SLC12A7: variants seen among roughly 807,000 people sequenced by gnomAD.
SLC12A7 encodes solute carrier family 12 member 7, also known as K-Cl cotransporter 4.
A neutral mutation model predicts 120.6 loss-of-function variants in SLC12A7; 100 were observed. That is an observed-to-expected ratio of 0.83 (90% CI 0.71 to 0.98). SLC12A7 has a LOEUF of 0.98. SLC12A7 is among the 50% of genes least tolerant of loss of function. The pLI, the probability that SLC12A7 is intolerant of heterozygous loss-of-function variation, is 0.00. For missense variants in SLC12A7, 1,373 were observed against 1,548.1 expected (o/e 0.89, Z 1.90); for synonymous variants, 760 against 678.0 (o/e 1.12, Z -1.88).
chr5:1,088,461 C>T, intron 4 of SLC12A7, 101 bp from the exon 5 acceptor site: 8 of 1,279,064 alleles, frequency 6.3e-6, no homozygotes, highest in Non-Finnish European at 7.7e-6. Flanking sequence ...CCGCCGAATG[C>T]CAGCCCCCAA....
rs1457205089 is a variant in SLC12A7 at position 1,052,420 on chromosome 5, C to A, written c.3192G>T (p.Gly1064=). Reference sequence around the variant, plus strand: ...CCCTGACCAGGAGGACTCTGTTCAGCCCCTCGGTCAGGACTTCAAGAAACT... The same window carrying A: ...CCCTGACCAGGAGGACTCTGTTCAGACCCTCGGTCAGGACTTCAAGAAACT... ...YMEFLEVLTE[G]LNRVLLVRGG... is the part of the protein sequence containing the mutation. Residue 1064 remains glycine (G), a synonymous_variant, in exon 24 of 24, where the codon GGG becomes GGT. Coordinates refer to ENST00000264930, the MANE Select transcript of SLC12A7 (RefSeq NM_006598.3). 1.2e-6 allele frequency: 2 copies of A among 1,612,770 alleles called. No homozygotes were observed. Among genetic ancestry groups the A allele is most frequent in the African/African-American group, 1.3e-5 (1 of 74,944 alleles).
chr5:1,095,066 T>TAGGCGGCGG (rs1740987901), intron 1 of SLC12A7, among the ~76,000 whole-genome samples: 1 of 126,054 alleles, frequency 7.9e-6, no homozygotes, highest in Admixed American at 7.6e-5. Flanking sequence ...CGGTAGGAGG[T>TAGGCGGCGG]GGGGCCCGTA....
At chr5:1,088,716 G>A (rs1011979425) in intron 4 of SLC12A7, among the ~76,000 whole-genome samples, 4 of 152,200 alleles carry the variant, frequency 2.6e-5, no homozygotes, top group Non-Finnish European at 5.9e-5. Flanking sequence ...CCGCAGACAC[G>A]GGTAAATGAG....
rs760099168 is a variant in SLC12A7, at chr5:1,077,861, G to T, written c.1601C>A (p.Ala534Asp). ...TGAPRLLQAI[A>D]RDGIVPFLQV... ...CAGGAAGGGGACGATGCCGTCACGG[G>T]CAATGGCCTGCAGTAGGCGCGGTGC... Residue 534 changes from alanine (A) to aspartate (D), a missense_variant, in exon 12 of 24, where the codon GCC becomes GAC. By Grantham distance (126) the Ala-to-Asp change is moderately radical. Transcript: ENST00000264930. 1 of 1,594,052 alleles carries T rather than the reference G, an allele frequency of 6.3e-7. No individual in the cohort carries two copies. Among genetic ancestry groups the T allele is most frequent in the South Asian group, 1.1e-5 (1 of 88,098 alleles).
At chr5:1,096,828 A>G (rs1171635862) in intron 1 of SLC12A7, among the ~76,000 whole-genome samples, 1 of 42,934 alleles carries the variant, frequency 2.3e-5, no homozygotes, top group African/African-American at 7.8e-5. Context: ...AAGGGAGGGA[A>G]GGAAGGAGGG....
chr5:1,127,281 G>A, the SLC12A7 span, among the ~76,000 whole-genome samples: 474 of 152,366 alleles, frequency 3.1e-3, 2 homozygotes, highest in African/African-American at 0.011. Context: ...CCAAAGTGCT[G>A]GGATTACAGG....
chr5:1,124,771 G>A, the SLC12A7 span, among the ~76,000 whole-genome samples: 1 of 152,142 alleles, frequency 6.6e-6, no homozygotes, highest in Admixed American at 6.5e-5. Context: ...GCTAGCAAGC[G>A]AACACAGGGA....
chr5:1,073,747 G>A lies in SLC12A7; in HGVS notation c.2127C>T (p.Pro709=), dbSNP rs759416213. The A allele has an allele frequency of 4.1e-5, 64 of 1,562,306 alleles. 1 individual carries two copies. In the South Asian group the frequency reaches 7.3e-4, roughly 18 times the overall value. ...NLDAEQAVKH[P]RLLSFTSQLK... Reference sequence around the variant, plus strand: ...GCTGCGACGTGAAGGACAGCAGGCGGGGGTGCTTCACGGCCTGCTCCGCGT... The same window carrying A: ...GCTGCGACGTGAAGGACAGCAGGCGAGGGTGCTTCACGGCCTGCTCCGCGT... The change falls in exon 17 of 24, where the codon CCC becomes CCT. Residue 709 remains proline (P), a synonymous_variant. Transcript: ENST00000264930.
intron 1 of SLC12A7, among the ~76,000 whole-genome samples, chr5:1,110,683 G>A (rs1182612719): frequency 6.6e-6 from 1 of 152,202 alleles, no homozygotes; most frequent in Non-Finnish European, 1.5e-5. Context: ...GGTGGTGACT[G>A]GAGAGAAGGG....
chr5:1,122,997 C>A, the SLC12A7 span, among the ~76,000 whole-genome samples: 7 of 152,246 alleles, frequency 4.6e-5, no homozygotes, highest in East Asian at 1.2e-3. Flanking sequence ...CGGGGCCTGA[C>A]CTTCTGCCTA....
chr5:1,091,730 C>T (rs751561777), intron 3 of SLC12A7, among the ~76,000 whole-genome samples: 68 of 151,374 alleles, frequency 4.5e-4, no homozygotes, highest in Non-Finnish European at 5.7e-4. Flanking sequence ...GCGGCGTCCA[C>T]GTGCGGCACG....
At chr5:1,053,913 T>C (rs1474559713) in intron 22 of SLC12A7, among the ~76,000 whole-genome samples, 2 of 152,168 alleles carry the variant, frequency 1.3e-5, no homozygotes, top group Non-Finnish European at 2.9e-5. Context: ...AAACCCCACG[T>C]CAGACACTGC....
chr5:1,130,622 G>GCTGCCCAC, the SLC12A7 span, among the ~76,000 whole-genome samples: 8 of 151,798 alleles, frequency 5.3e-5, no homozygotes, highest in Admixed American at 1.3e-4. Flanking sequence ...AGCCAGGGTG[G>GCTGCCCAC]GGGCAGCAGG....
At chr5:1,137,835 G>A in the SLC12A7 span, among the ~76,000 whole-genome samples, 1 of 152,184 alleles carries the variant, frequency 6.6e-6, no homozygotes, top group Non-Finnish European at 1.5e-5. Context: ...CCCCTCCCCC[G>A]GCACCAGCTC....
At chr5:1,135,776 G>A in the SLC12A7 span, among the ~76,000 whole-genome samples, 1 of 152,202 alleles carries the variant, frequency 6.6e-6, no homozygotes, top group Non-Finnish European at 1.5e-5. Context: ...GTAAGGGCAG[G>A]AACACACCAG....
At chr5:1,059,798 C>T (rs1040476061) in intron 21 of SLC12A7, among the ~76,000 whole-genome samples, 2 of 151,512 alleles carry the variant, frequency 1.3e-5, no homozygotes, top group Admixed American at 1.3e-4. Flanking sequence ...TCCCCTCCAG[C>T]TCGCTTCCCT....
chr5:1,154,960 C>T, the SLC12A7 span, among the ~76,000 whole-genome samples: 1 of 152,268 alleles, frequency 6.6e-6, no homozygotes, highest in Admixed American at 6.5e-5. Flanking sequence ...AAGCCCAAGC[C>T]AGGGTCCAGG....
chr5:1,094,959 G>A (rs2150882242), intron 1 of SLC12A7, among the ~76,000 whole-genome samples: 1 of 151,494 alleles, frequency 6.6e-6, no homozygotes, highest in East Asian at 1.9e-4. Flanking sequence ...AGGCTCCCTG[G>A]CAGGTTGAGG....
rs912637639 is a variant in SLC12A7, at chr5:1,111,704, T to C, written c.124+164A>G. ...TCGCCCCCTAGCGCTGCCACTAACG[T>C]GGGGTGGGGGCCCTCGTGGGGGACC... On this transcript the variant is annotated intron_variant, in intron 1 of 23. Coordinates refer to ENST00000264930, the MANE Select transcript of SLC12A7 (RefSeq NM_006598.3). Among the ~76,000 whole-genome samples, 39 of 151,836 alleles carry C rather than the reference T, an allele frequency of 2.6e-4. 1 individual carries two copies. Among genetic ancestry groups the C allele is most frequent in the African/African-American group, 7.5e-4 (31 of 41,348 alleles).
Sources: allele counts gnomAD v4.1 joint callset (sites outside exome capture counted in the v4.1 genomes callset), GRCh38; gene constraint gnomAD v4.1.1; transcripts MANE v1.5; gene names NCBI Gene and HGNC (gene_info 2026-07-23, HGNC 2026-07-21).